RORB: variants seen among roughly 807,000 people sequenced by gnomAD.
The protein encoded by RORB is RAR related orphan receptor B.
RORB carries 6 observed loss-of-function variants against 59.1 expected under a neutral mutation model. That is an observed-to-expected ratio of 0.10 (90% CI 0.06 to 0.20). The LOEUF (loss-of-function observed/expected upper bound fraction) is 0.20. Ranked by LOEUF, RORB falls within the 10% of genes least tolerant of loss-of-function variation. RORB has a pLI of 1.00. For synonymous variants in RORB, 215 were observed against 204.5 expected (o/e 1.05, Z -0.44); for missense variants, 320 against 560.5 (o/e 0.57, Z 4.33).
intron 1 of RORB, among the ~76,000 whole-genome samples, chr9:74,604,332 C>T (rs1823116646): frequency 6.6e-6 from 1 of 152,178 alleles, no homozygotes; most frequent in Non-Finnish European, 1.5e-5. Flanking sequence ...AAGCACTTTT[C>T]TAAAACATAC....
intron 1 of RORB, among the ~76,000 whole-genome samples, chr9:74,586,943 A>T (rs180722598): frequency 6.6e-6 from 1 of 152,176 alleles, no homozygotes; most frequent in Non-Finnish European, 1.5e-5. Flanking sequence ...ACTATGTCAT[A>T]TCTGATACCC....
At chr9:74,540,486 G>C (rs532478996) in intron 1 of RORB, among the ~76,000 whole-genome samples, 3 of 152,320 alleles carry the variant, frequency 2.0e-5, no homozygotes, top group East Asian at 3.9e-4. Flanking sequence ...AAAGAAATGT[G>C]TAAGCTATCA....
At chr9:74,529,012 CTTTA>C (rs1327796003) in intron 1 of RORB, among the ~76,000 whole-genome samples, 2 of 151,994 alleles carry the variant, frequency 1.3e-5, no homozygotes, top group East Asian at 1.9e-4. Context: ...ATTGAACTCT[CTTTA>C]TTTGACAACC....
chr9:74,578,424 T>G (rs1822669555), intron 1 of RORB, among the ~76,000 whole-genome samples: 1 of 152,114 alleles, frequency 6.6e-6, no homozygotes, highest in Non-Finnish European at 1.5e-5. Context: ...AAAGTATGTT[T>G]AGGTTTAGGG....
intron 1 of RORB, among the ~76,000 whole-genome samples, chr9:74,544,208 AT>A (rs1474873550): frequency 6.6e-6 from 1 of 152,062 alleles, no homozygotes; most frequent in Non-Finnish European, 1.5e-5. Context: ...ATTCTCTATC[AT>A]TATCCTTCTG....
intron 1 of RORB, among the ~76,000 whole-genome samples, chr9:74,518,755 T>C (rs1826046203): frequency 2.0e-5 from 3 of 152,006 alleles, no homozygotes; most frequent in African/African-American, 7.2e-5. Flanking sequence ...CTAGGTAACC[T>C]GTCCAAAATC....
At chr9:74,611,248 T>C (rs1270202179) in intron 1 of RORB, among the ~76,000 whole-genome samples, 1 of 152,100 alleles carries the variant, frequency 6.6e-6, no homozygotes, top group Non-Finnish European at 1.5e-5. Context: ...AAATGAAATC[T>C]ACCAACAGGA....
At chr9:74,661,794 C>A (rs987508736) in intron 5 of RORB, among the ~76,000 whole-genome samples, 1 of 151,374 alleles carries the variant, frequency 6.6e-6, no homozygotes, top group Non-Finnish European at 1.5e-5. Context: ...ACAGGCGCCC[C>A]CCCACCACGC....
chr9:74,668,945 C>CT, intron 8 of RORB, among the ~76,000 whole-genome samples: 1 of 152,294 alleles, frequency 6.6e-6, no homozygotes, highest in South Asian at 2.1e-4. Flanking sequence ...AGAGGAAAAA[C>CT]TTCAGACATG....
chr9:74,676,071 C>G (rs1208950145), intron 9 of RORB, among the ~76,000 whole-genome samples: 1 of 152,194 alleles, frequency 6.6e-6, no homozygotes, highest in Non-Finnish European at 1.5e-5. Context: ...TGGCAGTGTG[C>G]TCACGGCCAA....
intron 1 of RORB, among the ~76,000 whole-genome samples, chr9:74,605,182 T>C (rs1354705428): frequency 6.6e-6 from 1 of 152,160 alleles, no homozygotes; most frequent in Non-Finnish European, 1.5e-5. Flanking sequence ...GTATTAATGA[T>C]GATAAGTAAA....
At chr9:74,562,066 G>T (rs1587360307) in intron 1 of RORB, among the ~76,000 whole-genome samples, 1 of 152,306 alleles carries the variant, frequency 6.6e-6, no homozygotes, top group Non-Finnish European at 1.5e-5. Context: ...GGTGCATGTT[G>T]TCAGTACGTC....
intron 4 of RORB, among the ~76,000 whole-genome samples, chr9:74,651,036 A>G (rs1226555000): frequency 6.6e-6 from 1 of 152,204 alleles, no homozygotes; most frequent in African/African-American, 2.4e-5. Context: ...ATGAGATTTC[A>G]TCATCTGTGA....
chr9:74,610,289 T>A (rs1181111138), intron 1 of RORB, among the ~76,000 whole-genome samples: 2 of 152,234 alleles, frequency 1.3e-5, no homozygotes, highest in Non-Finnish European at 2.9e-5. Flanking sequence ...AGATATTTTT[T>A]AAAAAGCTCC....
chr9:74,584,176 T>A lies in RORB; in HGVS notation c.8-46106T>A, dbSNP rs190907988. On this transcript the variant is annotated intron_variant, in intron 1 of 9. Transcript: ENST00000376896. The stretch of plus-strand genomic sequence containing the variant: ...GCTCAGTGCAGCAAGTCATGCAGAA[T>A]TTTATTGCTATTCCCTGTGCGGTCT... Among the ~76,000 whole-genome samples, 262 of 152,346 alleles carry A rather than the reference T, an allele frequency of 1.7e-3. 2 individuals carry two copies. Among genetic ancestry groups the A allele is most frequent in the Middle Eastern group, 3.4e-3 (1 of 294 alleles).
chr9:74,584,626 G>A (rs1822770856), intron 1 of RORB, among the ~76,000 whole-genome samples: 1 of 152,144 alleles, frequency 6.6e-6, no homozygotes, highest in Non-Finnish European at 1.5e-5. Flanking sequence ...AGAGTCTACT[G>A]ATCTTCATTT....
intron 1 of RORB, among the ~76,000 whole-genome samples, chr9:74,509,343 A>G (rs1825905466): frequency 6.6e-6 from 1 of 152,096 alleles, no homozygotes; most frequent in Admixed American, 6.6e-5. Context: ...AAAGTTCCAA[A>G]TATTTAATTT....
intron 8 of RORB, 37 bp from the exon 9 acceptor site, chr9:74,671,752 G>A: frequency 7.5e-7 from 1 of 1,324,818 alleles, no homozygotes; most frequent in Non-Finnish European, 1.1e-6. Context: ...AAACAAAGTT[G>A]ATGTTCCCTC....
chr9:74,509,407 A>T (rs1292285172), intron 1 of RORB, among the ~76,000 whole-genome samples: 1 of 152,014 alleles, frequency 6.6e-6, no homozygotes, highest in African/African-American at 2.4e-5. Context: ...AAAAAATTGC[A>T]TATTTATGGA....
Sources: allele counts gnomAD v4.1 joint callset (sites outside exome capture counted in the v4.1 genomes callset), GRCh38; gene constraint gnomAD v4.1.1; transcripts MANE v1.5; gene names NCBI Gene and HGNC (gene_info 2026-07-23, HGNC 2026-07-21).